The following NOX4 variants were observed in gnomAD, a reference collection of about 807,000 sequenced individuals.
NOX4 encodes kidney oxidase-1.
Under a neutral mutation model 87.6 loss-of-function variants are expected in NOX4, and 69 were observed. That is an observed-to-expected ratio of 0.79 (90% CI 0.65 to 0.96). NOX4 has a LOEUF of 0.96. Ranked by LOEUF, NOX4 falls within the 40% of genes least tolerant of loss-of-function variation. The pLI, the probability that NOX4 is intolerant of heterozygous loss-of-function variation, is 0.00. For missense variants in NOX4, 680 were observed against 681.5 expected (o/e 1.00, Z 0.02); for synonymous variants, 275 against 238.2 (o/e 1.15, Z -1.42).
chr11:89,365,725 A>G (rs2135024774), intron 12 of NOX4, among the ~76,000 whole-genome samples: 1 of 105,938 alleles, frequency 9.4e-6, no homozygotes, highest in East Asian at 3.1e-4. Flanking sequence ...AAAACAGGCC[A>G]TTTTATCCAA....
At chr11:89,503,316 T>C in the NOX4 span, among the ~76,000 whole-genome samples, 6 of 152,014 alleles carry the variant, frequency 3.9e-5, no homozygotes, top group Admixed American at 3.9e-4. Flanking sequence ...AAGAGTCCAA[T>C]TCTATTTATG....
chr11:89,527,058 G>A, the NOX4 span, among the ~76,000 whole-genome samples: 3 of 152,284 alleles, frequency 2.0e-5, no homozygotes, highest in South Asian at 2.1e-4. Flanking sequence ...AACTTTTTGG[G>A]AATTGGAATA....
intron 7 of NOX4, among the ~76,000 whole-genome samples, chr11:89,431,386 G>A (rs1039617185): frequency 2.0e-5 from 3 of 152,064 alleles, no homozygotes; most frequent in African/African-American, 7.2e-5. Flanking sequence ...CTTCTGCACA[G>A]CAAAAGAAAC....
At chr11:89,493,594 T>G (rs1015786065), upstream of NOX4, among the ~76,000 whole-genome samples, 5 of 152,026 alleles carry the variant, frequency 3.3e-5, no homozygotes, top group Non-Finnish European at 7.4e-5. Flanking sequence ...GACTGAGATC[T>G]GTTTATGTTG....
the NOX4 span, among the ~76,000 whole-genome samples, chr11:89,508,288 T>C: frequency 3.3e-5 from 5 of 152,058 alleles, no homozygotes; most frequent in Non-Finnish European, 5.9e-5. Context: ...TGATGTCTTG[T>C]AAATGAGCGC....
intron 16 of NOX4, among the ~76,000 whole-genome samples, chr11:89,337,117 G>A (rs556726933): frequency 4.6e-5 from 7 of 151,728 alleles, no homozygotes; most frequent in South Asian, 2.1e-4. Context: ...AACTGTATAC[G>A]AACTCATCTT....
rs181820288 is a variant in NOX4, at chr11:89,396,018, T to C, written c.1074+3999A>G. On this transcript the variant is annotated intron_variant, in intron 11 of 17. Transcript: ENST00000263317. ...TTATGGTTCCATAGGAACTTTAAAG[T>C]AGTTTTTTCCAATTCTGTGAAGAAA... is the stretch of plus-strand genomic sequence containing the variant. Among the ~76,000 whole-genome samples the C allele has an allele frequency of 2.2e-3, 335 of 152,276 alleles. 1 individual carries two copies. The highest frequency in any genetic ancestry group is 7.6e-3 in the African/African-American group (317 of 41,566).
the NOX4 span, among the ~76,000 whole-genome samples, chr11:89,528,564 G>A: frequency 6.6e-6 from 1 of 152,250 alleles, no homozygotes; most frequent in African/African-American, 2.4e-5. Flanking sequence ...TCTCATAATA[G>A]TAAGTGAGTT....
chr11:89,506,354 G>A, the NOX4 span, among the ~76,000 whole-genome samples: 6 of 151,136 alleles, frequency 4.0e-5, no homozygotes, highest in South Asian at 1.0e-3. Flanking sequence ...GAAAAAGAAC[G>A]AAGGAAGAAA....
At chr11:89,504,017 G>T in the NOX4 span, among the ~76,000 whole-genome samples, 1 of 151,260 alleles carries the variant, frequency 6.6e-6, no homozygotes, top group Non-Finnish European at 1.5e-5. Flanking sequence ...CTACACAAAG[G>T]GTATGCAATG....
chr11:89,407,765 A>G (rs912294677), intron 8 of NOX4, among the ~76,000 whole-genome samples: 5 of 152,104 alleles, frequency 3.3e-5, no homozygotes, highest in Non-Finnish European at 7.4e-5. Context: ...TGGTAATCAA[A>G]ACATGATTTT....
At chr11:89,485,502 T>C (rs1294259475) in intron 2 of NOX4, among the ~76,000 whole-genome samples, 1 of 152,048 alleles carries the variant, frequency 6.6e-6, no homozygotes, top group Non-Finnish European at 1.5e-5. Flanking sequence ...ATTCTTTAAT[T>C]ATTAAAATGT....
the NOX4 span, among the ~76,000 whole-genome samples, chr11:89,577,996 G>A: frequency 1.3e-5 from 2 of 152,020 alleles, no homozygotes; most frequent in East Asian, 3.9e-4. Flanking sequence ...TGCATGGTGA[G>A]GTTTGGATTT....
intron 2 of NOX4, among the ~76,000 whole-genome samples, chr11:89,484,511 G>T (rs1946509817): frequency 6.6e-6 from 1 of 152,026 alleles, no homozygotes; most frequent in Non-Finnish European, 1.5e-5. Context: ...AAATGTTCTT[G>T]CGTGTGTTCA....
chr11:89,440,550 C>T (rs1352864272), intron 6 of NOX4, 138 bp downstream of exon 6: 1 of 461,984 alleles, frequency 2.2e-6, no homozygotes, highest in African/African-American at 2.1e-5. Context: ...GTTTCGAGTT[C>T]CTGACCTCAG....
At chr11:89,359,156 C>T (rs564162692) in intron 12 of NOX4, among the ~76,000 whole-genome samples, 5 of 152,142 alleles carry the variant, frequency 3.3e-5, no homozygotes, top group Admixed American at 3.3e-4. Flanking sequence ...AATTTGCATT[C>T]TCTGGTTAAT....
chr11:89,464,630 T>C (rs1168190472), intron 2 of NOX4, among the ~76,000 whole-genome samples: 1 of 152,136 alleles, frequency 6.6e-6, no homozygotes, highest in African/African-American at 2.4e-5. Flanking sequence ...ATGTGAATGA[T>C]TTGTTTTACC....
chr11:89,355,119 C>T, intron 12 of NOX4, 76 bp from the exon 13 acceptor site: 2 of 1,086,970 alleles, frequency 1.8e-6, no homozygotes, highest in Non-Finnish European at 2.7e-6. Flanking sequence ...GAAGTATTTC[C>T]TATTGGTTTA....
At chr11:89,507,310 G>A in the NOX4 span, among the ~76,000 whole-genome samples, 1 of 151,688 alleles carries the variant, frequency 6.6e-6, no homozygotes, top group Non-Finnish European at 1.5e-5. Flanking sequence ...TGCAGTTTGT[G>A]AGATGTTTTA....
Sources: allele counts gnomAD v4.1 joint callset (sites outside exome capture counted in the v4.1 genomes callset), GRCh38; gene constraint gnomAD v4.1.1; transcripts MANE v1.5; gene names NCBI Gene and HGNC (gene_info 2026-07-23, HGNC 2026-07-21).